The following LRP1B variants were observed in gnomAD, a reference collection of about 807,000 sequenced individuals.
The protein encoded by LRP1B is LDL receptor related protein 1B, also known as low-density lipoprotein receptor-related protein 1B.
In LRP1B, 217 loss-of-function variants were observed where a neutral mutation model predicts 556.6. The ratio of observed to expected loss-of-function variants is 0.39; its 90% CI spans 0.35 to 0.44. LRP1B has a LOEUF of 0.44. Ranked by LOEUF, LRP1B falls within the 20% of genes least tolerant of loss-of-function variation. The pLI is 1.00. For synonymous variants in LRP1B, 2,047 were observed against 1,865.8 expected (o/e 1.10, Z -2.50); for missense variants, 5,053 against 5,620.8 (o/e 0.90, Z 3.23).
chr2:142,041,233 G>A (rs1228954482), intron 1 of LRP1B, among the ~76,000 whole-genome samples: 1 of 151,250 alleles, frequency 6.6e-6, no homozygotes, highest in East Asian at 2.0e-4. Context: ...GTAGTAGGTT[G>A]TAGAGACCTG....
At chr2:141,739,848 G>T (rs138987496) in intron 2 of LRP1B, among the ~76,000 whole-genome samples, 3 of 152,092 alleles carry the variant, frequency 2.0e-5, no homozygotes, top group African/African-American at 7.2e-5. Context: ...CAAACCATAT[G>T]CCTTTTCCTC....
intron 2 of LRP1B, among the ~76,000 whole-genome samples, chr2:141,578,239 C>CA (rs199827449): frequency 0.026 from 3,931 of 151,658 alleles, 160 homozygotes; most frequent in African/African-American, 0.09. Flanking sequence ...ACTAAAAATA[C>CA]AAAAAAATTA....
At chr2:141,511,244 GCTGA>G (rs933624314) in intron 2 of LRP1B, among the ~76,000 whole-genome samples, 36 of 152,016 alleles carry the variant, frequency 2.4e-4, no homozygotes, top group African/African-American at 8.5e-4. Context: ...GTACTTTGTG[GCTGA>G]CTAATTAGGG....
At chr2:140,376,084 T>C (rs981257846) in intron 68 of LRP1B, among the ~76,000 whole-genome samples, 7 of 152,098 alleles carry the variant, frequency 4.6e-5, no homozygotes, top group East Asian at 3.9e-4. Flanking sequence ...GCTACTTACA[T>C]ATAGACTGCA....
intron 31 of LRP1B, among the ~76,000 whole-genome samples, chr2:140,815,143 T>TAA (rs556152392): frequency 9.9e-5 from 14 of 141,090 alleles, no homozygotes; most frequent in Non-Finnish European, 1.9e-4. Flanking sequence ...TTCCTTCCCT[T>TAA]AAAAAAAAAA....
At chr2:141,796,188 T>C (rs145405857) in intron 2 of LRP1B, among the ~76,000 whole-genome samples, 432 of 152,102 alleles carry the variant, frequency 2.8e-3, no homozygotes, top group African/African-American at 9.7e-3. Context: ...CCAAACTTAC[T>C]ATATACTTTT....
chr2:140,813,596 T>G (rs1342112962), intron 32 of LRP1B, 61 bp downstream of exon 32: 2 of 1,477,952 alleles, frequency 1.4e-6, no homozygotes, highest in Non-Finnish European at 1.9e-6. Flanking sequence ...TTTTAACAGG[T>G]CATAATAAAT....
chr2:141,636,650 A>C (rs555785895), intron 2 of LRP1B, among the ~76,000 whole-genome samples: 1 of 152,138 alleles, frequency 6.6e-6, no homozygotes, highest in Non-Finnish European at 1.5e-5. Context: ...CTGCTTTGCC[A>C]TTTAAGTGGT....
At chr2:140,372,940 G>C (rs935764175) in intron 69 of LRP1B, 68 bp downstream of exon 69, 2 of 1,546,964 alleles carry the variant, frequency 1.3e-6, no homozygotes, top group East Asian at 4.5e-5. Flanking sequence ...TCTGCATATT[G>C]CTGCTTAAAT....
intron 3 of LRP1B, among the ~76,000 whole-genome samples, chr2:141,301,456 C>G (rs1382364358): frequency 6.6e-6 from 1 of 152,108 alleles, no homozygotes; most frequent in Admixed American, 6.6e-5. Flanking sequence ...CTTAGCCTCC[C>G]AAACCTCTCA....
At chr2:141,657,366 G>A (rs1215568442) in intron 2 of LRP1B, among the ~76,000 whole-genome samples, 2 of 151,764 alleles carry the variant, frequency 1.3e-5, no homozygotes, top group Admixed American at 1.3e-4. Context: ...TCTTTCTTAC[G>A]GATCAAATAA....
At chr2:140,837,915 C>T (rs1175841927) in intron 31 of LRP1B, among the ~76,000 whole-genome samples, 2 of 151,994 alleles carry the variant, frequency 1.3e-5, no homozygotes, top group Non-Finnish European at 2.9e-5. Flanking sequence ...GCACGTTGTG[C>T]ACATGTACCT....
At chr2:141,355,426 GC>G (rs1216814340) in intron 3 of LRP1B, among the ~76,000 whole-genome samples, 1 of 151,834 alleles carries the variant, frequency 6.6e-6, no homozygotes, top group African/African-American at 2.4e-5. Context: ...TTTTCGACAT[GC>G]CCCCAAAAAC....
intron 11 of LRP1B, among the ~76,000 whole-genome samples, chr2:141,047,993 G>T (rs189595069): frequency 6.6e-6 from 1 of 152,012 alleles, no homozygotes; most frequent in African/African-American, 2.4e-5. Flanking sequence ...CTTCAAGACA[G>T]CTTTGAACTT....
chr2:140,657,278 G>T (rs77804249), intron 41 of LRP1B, among the ~76,000 whole-genome samples: 9,463 of 151,938 alleles, frequency 0.062, 337 homozygotes, highest in Admixed American at 0.078. Context: ...AGTAGGCAGT[G>T]CGGTAGAAAA....
At chr2:141,492,745 A>C (rs4954911) in intron 2 of LRP1B, among the ~76,000 whole-genome samples, 6 of 151,968 alleles carry the variant, frequency 3.9e-5, no homozygotes, top group East Asian at 3.9e-4. Context: ...GAGAGGAAGA[A>C]AGAATGTTAA....
intron 1 of LRP1B, among the ~76,000 whole-genome samples, chr2:141,864,663 C>T (rs1377577310): frequency 6.6e-6 from 1 of 151,934 alleles, no homozygotes. Flanking sequence ...AGGCAGATCA[C>T]GAGGTCAGGA....
intron 2 of LRP1B, among the ~76,000 whole-genome samples, chr2:141,524,771 G>C (rs935194239): frequency 1.3e-5 from 2 of 151,674 alleles, no homozygotes; most frequent in African/African-American, 2.4e-5. Flanking sequence ...AAGAAAGAGA[G>C]AGAGAGACAG....
intron 2 of LRP1B, among the ~76,000 whole-genome samples, chr2:141,570,933 G>A (rs1333452026): frequency 4.0e-5 from 6 of 151,262 alleles, no homozygotes; most frequent in African/African-American, 7.2e-5. Flanking sequence ...AGGGGGAGGG[G>A]TGCCTGCAGT....
Sources: allele counts gnomAD v4.1 joint callset (sites outside exome capture counted in the v4.1 genomes callset), GRCh38; gene constraint gnomAD v4.1.1; transcripts MANE v1.5; gene names NCBI Gene and HGNC (gene_info 2026-07-23, HGNC 2026-07-21).